B3GAT2: variants seen among roughly 807,000 people sequenced by gnomAD.
B3GAT2 encodes beta-1,3-glucuronyltransferase 2.
B3GAT2 carries 26 observed loss-of-function variants against 27.8 expected under a neutral mutation model. The observed-to-expected ratio is 0.93, with a 90% CI of 0.68 to 1.30. The LOEUF (loss-of-function observed/expected upper bound fraction) is 1.30, where lower values mean the gene tolerates loss of function less well. B3GAT2 is among the 50% of genes most tolerant of loss of function. The probability of loss-of-function intolerance (pLI) is 0.00; values close to 1 mark genes in which losing one functional copy is unlikely to be tolerated. For missense variants in B3GAT2, 458 were observed against 459.0 expected, an observed-to-expected ratio of 1.00 and a Z score of 0.02; for synonymous variants, 218 against 195.1, an observed-to-expected ratio of 1.12 and a Z score of -0.98.
At chr6:70,955,303 G>A (rs1370453059) in intron 1 of B3GAT2, among the ~76,000 whole-genome samples, 1 of 152,036 alleles carries the variant, frequency 6.6e-6, no homozygotes, top group South Asian at 2.1e-4. Context: ...GGCCGCAATA[G>A]TCAAATTTCT....
chr6:70,935,426 T>C (rs1765247698), intron 1 of B3GAT2, among the ~76,000 whole-genome samples: 1 of 151,802 alleles, frequency 6.6e-6, no homozygotes, highest in African/African-American at 2.4e-5. Flanking sequence ...TACACTCCAG[T>C]CTGGGCAACA....
chr6:70,907,144 T>G (rs2150037124), intron 1 of B3GAT2, among the ~76,000 whole-genome samples: 1 of 152,298 alleles, frequency 6.6e-6, no homozygotes, highest in South Asian at 2.1e-4. Context: ...TAACCAGCCC[T>G]TCCCCCACAT....
intron 2 of B3GAT2, among the ~76,000 whole-genome samples, chr6:70,864,159 G>C (rs778544862): frequency 4.0e-5 from 6 of 149,062 alleles, no homozygotes; most frequent in African/African-American, 1.2e-4. Context: ...TCAGGATACT[G>C]GTTGTATTTC....
At position 70,871,621 on chromosome 6, in the gene B3GAT2, T is replaced by C. The variant is rs550333621; in HGVS notation, c.737-9643A>G. Among the ~76,000 whole-genome samples, 10 of 152,122 alleles carry C rather than the reference T, an allele frequency of 6.6e-5. No individual in the cohort carries two copies. The East Asian group carries it at 1.9e-3, about 29-fold the overall frequency. On this transcript the variant is annotated intron_variant, in intron 2 of 3. Transcript: ENST00000230053. ...TTAGTAATGTGAGGCTTCTCTCCTTTTTCTTGACAGTCTAAGTAAAGGTTT... is the reference window on the plus strand; with the variant it reads ...TTAGTAATGTGAGGCTTCTCTCCTTCTTCTTGACAGTCTAAGTAAAGGTTT...
At position 70,916,062 on chromosome 6, in the gene B3GAT2, CTCTTT is replaced by C. The variant is rs573135361; in HGVS notation, c.592-21795_592-21791del. On this transcript the variant is annotated intron_variant, in intron 1 of 3. Transcript: ENST00000230053. The stretch of plus-strand genomic sequence containing the variant: ...GAATGTTCTTCCATTTGTTTGTATC[CTCTTT>C]TATTTCATTGAGCAGTGGTTTGTAG... Among the ~76,000 whole-genome samples the C allele has an allele frequency of 9.3e-3, 1,412 of 152,210 alleles. 9 individuals carry two copies. The highest frequency in any genetic ancestry group is 0.048 in the Middle Eastern group (14 of 294).
chr6:70,925,439 TCCC>T (rs1772938102), intron 1 of B3GAT2, among the ~76,000 whole-genome samples: 1 of 152,166 alleles, frequency 6.6e-6, no homozygotes. Context: ...CTCGGGACAC[TCCC>T]GCCCTAATAC....
intron 1 of B3GAT2, among the ~76,000 whole-genome samples, chr6:70,931,585 CG>C (rs1487910825): frequency 6.6e-6 from 1 of 151,998 alleles, no homozygotes; most frequent in African/African-American, 2.4e-5. Context: ...GATCATTCAA[CG>C]GAAGAAAGAA....
intron 1 of B3GAT2, among the ~76,000 whole-genome samples, chr6:70,917,529 C>T (rs1340808074): frequency 6.6e-6 from 1 of 152,152 alleles, no homozygotes; most frequent in Non-Finnish European, 1.5e-5. Flanking sequence ...CTCCTGTGGA[C>T]ACTTAGTGCT....
In B3GAT2 at chr6:70,857,156, T is replaced by C; in HGVS notation, c.*4507A>G. 1 of 954,252 alleles carries C rather than the reference T, an allele frequency of 1.0e-6. No individual in the cohort carries two copies. The highest frequency in any genetic ancestry group is 3.2e-5 in the South Asian group (1 of 31,446). The allele number at this position is 954,252 out of a possible 1,614,324, so 59.1% of individuals were successfully genotyped here. A position where few individuals can be genotyped will look rare whatever the true frequency, so the allele number is the denominator to read the frequency against. On this transcript the variant is annotated 3_prime_UTR_variant, in exon 4 of 4. Coordinates refer to ENST00000230053, the MANE Select transcript of B3GAT2 (RefSeq NM_080742.3). ...TGAGTGCTTTTGTTGTTGCAGTTTA[T>C]ACAACTATGAAGCCGAAATGAATGA...
Position 70,860,072 on chromosome 6 carries a change from C to A in B3GAT2, c.*1591G>T. 1 of 1,031,982 alleles carries A rather than the reference C, an allele frequency of 9.7e-7. No homozygotes were observed. The highest frequency in any genetic ancestry group is 1.4e-6 in the Non-Finnish European group (1 of 729,480). The allele number at this position is 1,031,982 out of a possible 1,614,324, so 63.9% of individuals were successfully genotyped here. A position where few individuals can be genotyped will look rare whatever the true frequency, so the allele number is the denominator to read the frequency against. ...TGCTTTAAGAAATATTTGTATGGTACTCTGTTTTTATTCCAGTGCTTGGAC... is the reference window on the plus strand; with the variant it reads ...TGCTTTAAGAAATATTTGTATGGTAATCTGTTTTTATTCCAGTGCTTGGAC... On this transcript the variant is annotated 3_prime_UTR_variant, in exon 4 of 4. Coordinates refer to ENST00000230053, the MANE Select transcript of B3GAT2 (RefSeq NM_080742.3).
intron 1 of B3GAT2, among the ~76,000 whole-genome samples, chr6:70,947,408 G>A (rs1341319014): frequency 5.9e-5 from 9 of 151,954 alleles, no homozygotes; most frequent in East Asian, 1.9e-4. Context: ...TATCACCACC[G>A]ATCCCACAGA....
chr6:70,911,008 C>G (rs1351236393), intron 1 of B3GAT2, among the ~76,000 whole-genome samples: 8 of 151,878 alleles, frequency 5.3e-5, no homozygotes, highest in Non-Finnish European at 7.4e-5. Flanking sequence ...ACTTTAGCTA[C>G]TTTAAAAATT....
chr6:70,955,421 C>G (rs1047632909), intron 1 of B3GAT2, among the ~76,000 whole-genome samples: 2 of 148,886 alleles, frequency 1.3e-5, no homozygotes, highest in African/African-American at 5.0e-5. Flanking sequence ...CCCACCACCC[C>G]CACCCCTCCA....
chr6:70,916,701 T>C (rs749266977), intron 1 of B3GAT2, among the ~76,000 whole-genome samples: 33 of 152,362 alleles, frequency 2.2e-4, no homozygotes, highest in Middle Eastern at 6.8e-3. Context: ...ATTACATTTA[T>C]TGATTTGCCT....
rs979698193 is a variant in B3GAT2 at position 70,859,165 on chromosome 6, C to G, written c.*2498G>C. ...TATATCACAGTTAATTTTGCTACCA[C>G]CATTTACAAGAATATAGGTAAAACA... On this transcript the variant is annotated 3_prime_UTR_variant, in exon 4 of 4. Coordinates refer to ENST00000230053, the MANE Select transcript of B3GAT2 (RefSeq NM_080742.3). 7.6e-6 allele frequency: 4 copies of G among 526,530 alleles called. No homozygotes were observed. In the African/African-American group the frequency reaches 7.7e-5, roughly 10 times the overall value. 32.6% of individuals were successfully genotyped at this position (526,530 alleles called of 1,614,324 possible). A position where few individuals can be genotyped will look rare whatever the true frequency, so the allele number is the denominator to read the frequency against.
intron 2 of B3GAT2, among the ~76,000 whole-genome samples, chr6:70,884,938 C>A (rs1347643367): frequency 6.6e-6 from 1 of 152,190 alleles, no homozygotes; most frequent in Non-Finnish European, 1.5e-5. Context: ...ACTTCTGAAG[C>A]CAGTGCAGAA....
intron 1 of B3GAT2, among the ~76,000 whole-genome samples, chr6:70,944,875 C>T (rs1233496320): frequency 6.6e-6 from 1 of 152,194 alleles, no homozygotes; most frequent in Non-Finnish European, 1.5e-5. Flanking sequence ...TGAGACAAAA[C>T]TTCCAGAGGA....
intron 2 of B3GAT2, among the ~76,000 whole-genome samples, chr6:70,876,162 G>A (rs915228859): frequency 6.6e-6 from 1 of 152,116 alleles, no homozygotes; most frequent in African/African-American, 2.4e-5. Context: ...TGGTACTACT[G>A]AATTGGTCAA....
At chr6:70,917,663 T>C (rs1772796273) in intron 1 of B3GAT2, among the ~76,000 whole-genome samples, 1 of 152,212 alleles carries the variant, frequency 6.6e-6, no homozygotes, top group African/African-American at 2.4e-5. Context: ...TACCCAGTAG[T>C]CATTCAGGAG....
Sources: gnomAD v4.1 joint callset for allele counts (sites outside exome capture counted in the v4.1 genomes callset) on GRCh38, gnomAD v4.1.1 for gene constraint, MANE v1.5 for transcripts, NCBI Gene and HGNC (gene_info 2026-07-23, HGNC 2026-07-21) for gene names.